Variants in SCML2 observed in about 807,000 individuals in gnomAD.
SCML2 encodes Scm polycomb group protein like 2.
Under a neutral mutation model 48.4 loss-of-function variants are expected in SCML2, and 6 were observed. That is an observed-to-expected ratio of 0.12 (90% CI 0.07 to 0.24). The LOEUF (loss-of-function observed/expected upper bound fraction) is 0.24, where lower values mean the gene tolerates loss of function less well. Ranked by LOEUF, SCML2 falls within the 10% of genes least tolerant of loss-of-function variation. The pLI, the probability that SCML2 is intolerant of heterozygous loss-of-function variation, is 1.00. For synonymous variants in SCML2, 181 were observed against 189.5 expected, an observed-to-expected ratio of 0.95 and a Z score of 0.37; for missense variants, 377 against 528.2, an observed-to-expected ratio of 0.71 and a Z score of 2.81.
At chrX:18,303,518 C>T (rs1928660083) in intron 7 of SCML2, among the ~76,000 whole-genome samples, 1 of 112,035 alleles carries the variant, frequency 8.9e-6, no homozygotes, top group African/African-American at 3.2e-5. Context: ...AACCACCTTT[C>T]CCTCCAGCCA....
intron 5 of SCML2, among the ~76,000 whole-genome samples, chrX:18,320,898 A>G (rs1929294263): frequency 9.0e-6 from 1 of 111,432 alleles, no homozygotes; most frequent in African/African-American, 3.3e-5. Context: ...TTTTACCTCA[A>G]AAGAAAAAAA....
chrX:18,324,856 C>A, intron 4 of SCML2, 51 bp downstream of exon 4: 1 of 939,208 alleles, frequency 1.1e-6, no homozygotes, highest in Non-Finnish European at 1.5e-6. Context: ...CAGACGTCCT[C>A]CAACAAGTTA....
At chrX:18,248,006 T>A in intron 11 of SCML2, 124 bp from the exon 12 acceptor site, 1 of 445,602 alleles carries the variant, frequency 2.2e-6, no homozygotes, top group East Asian at 3.7e-5. Context: ...ATTGAGAACT[T>A]CTCAATTATT....
At chrX:18,298,346 C>G (rs1014533371) in intron 7 of SCML2, among the ~76,000 whole-genome samples, 13 of 111,730 alleles carry the variant, frequency 1.2e-4, no homozygotes, top group South Asian at 3.7e-4. Context: ...CAGTATCACA[C>G]CACCTGACTT....
At chrX:18,348,632 T>G (rs1930277256) in intron 1 of SCML2, among the ~76,000 whole-genome samples, 1 of 112,065 alleles carries the variant, frequency 8.9e-6, no homozygotes, top group African/African-American at 3.2e-5. Context: ...TGACCAAAGA[T>G]GCCGTGTTTC....
chrX:18,346,198 C>T (rs1191734795), intron 1 of SCML2, among the ~76,000 whole-genome samples: 1 of 110,729 alleles, frequency 9.0e-6, no homozygotes, highest in African/African-American at 3.3e-5. Context: ...GAGACAATCC[C>T]CCACCTCCAA....
At chrX:18,278,293 T>C (rs916935525) in intron 7 of SCML2, among the ~76,000 whole-genome samples, 1 of 111,888 alleles carries the variant, frequency 8.9e-6, no homozygotes, top group African/African-American at 3.2e-5. Flanking sequence ...GGGAGGAAGC[T>C]GGGAACCCTG....
intron 6 of SCML2, among the ~76,000 whole-genome samples, chrX:18,305,762 T>A (rs371210529): frequency 6.2e-4 from 60 of 97,266 alleles, no homozygotes; most frequent in South Asian, 5.4e-3. Flanking sequence ...ACTTAAAATT[T>A]AAAAAAAAAA....
rs1926918569 is a variant in SCML2, at chrX:18,257,980, G to C, written c.1273+64C>G. On this transcript the variant is annotated intron_variant, in intron 10 of 14. Transcript: ENST00000251900. ...AGGAAAGGGAAGGGGGAAGGGAAGG[G>C]GGAAGGGAAGGGGGAAGGGAAGGGG... 3 of 644,756 alleles carry C rather than the reference G, an allele frequency of 4.7e-6. No individual in the cohort carries two copies. The Admixed American group carries it at 8.1e-5, about 17-fold the overall frequency. 53.1% of individuals were successfully genotyped at this position (644,756 alleles called of 1,213,427 possible).
At chrX:18,261,072 T>A (rs1478807693) in intron 8 of SCML2, among the ~76,000 whole-genome samples, 1 of 109,376 alleles carries the variant, frequency 9.1e-6, no homozygotes, top group Non-Finnish European at 1.9e-5. Context: ...TTGCTTAAAT[T>A]AATGGCTGTC....
rs558443082 is a variant in SCML2, at chrX:18,298,419, T to C, written c.730+6553A>G. Among the ~76,000 whole-genome samples the C allele has an allele frequency of 1.3e-4, 15 of 112,109 alleles. No homozygotes were observed. In the East Asian group the frequency reaches 3.1e-3, roughly 23 times the overall value. ...TGGTATTAATATAAAAACAAATACATTGACCTATAAAACAGAAAACCCAGA... is the reference window on the plus strand; with the variant it reads ...TGGTATTAATATAAAAACAAATACACTGACCTATAAAACAGAAAACCCAGA... On this transcript the variant is annotated intron_variant, in intron 7 of 14. Transcript: ENST00000251900.
At chrX:18,266,229 A>G (rs766890620) in intron 7 of SCML2, among the ~76,000 whole-genome samples, 1 of 111,758 alleles carries the variant, frequency 8.9e-6, no homozygotes, top group Non-Finnish European at 1.9e-5. Context: ...CTCCTGCTTC[A>G]TGTTTCAGAG....
chrX:18,322,578 T>C (rs1929353579), intron 5 of SCML2, among the ~76,000 whole-genome samples: 1 of 112,051 alleles, frequency 8.9e-6, no homozygotes, highest in Non-Finnish European at 1.9e-5. Context: ...CTTCTTGGAA[T>C]AACATATCTC....
chrX:18,325,085 A>AT, intron 3 of SCML2, 108 bp from the exon 4 acceptor site: 36 of 386,408 alleles, frequency 9.3e-5, no homozygotes, highest in Non-Finnish European at 9.3e-5. Flanking sequence ...GCCTCTTAAA[A>AT]GAAAAAAAAA....
In SCML2 at chrX:18,303,440, G is replaced by T. The variant is rs149207228; in HGVS notation, c.730+1532C>A. Reference sequence around the variant, plus strand: ...TCCATCCTACTTTTATCTCCATTCTGCCTGGCAAACTCCTGCTTCTCATCT... The same window carrying T: ...TCCATCCTACTTTTATCTCCATTCTTCCTGGCAAACTCCTGCTTCTCATCT... On this transcript the variant is annotated intron_variant, in intron 7 of 14. Transcript: ENST00000251900. 5.1e-3 allele frequency among the ~76,000 whole-genome samples: 565 copies of T among 111,389 alleles called. 2 individuals are homozygous for T. The highest frequency in any genetic ancestry group is 7.5e-3 in the Non-Finnish European group (400 of 53,049).
Position 18,276,299 on chromosome X carries a change from GA to G in SCML2, c.731-10498del, listed in dbSNP as rs369588545. Among the ~76,000 whole-genome samples the G allele has an allele frequency of 8.5e-3, 495 of 58,355 alleles. 5 individuals are homozygous for G. The highest frequency in any genetic ancestry group is 0.026 in the African/African-American group (426 of 16,569). 50.7% of individuals were successfully genotyped at this position (58,355 alleles called of 115,157 possible). A position where few individuals can be genotyped will look rare whatever the true frequency, so the allele number is the denominator to read the frequency against. On this transcript the variant is annotated intron_variant, in intron 7 of 14. Coordinates refer to ENST00000251900, the MANE Select transcript of SCML2 (RefSeq NM_006089.3). Reference sequence around the variant, plus strand: ...ACAGAGCAAAACTCAGTCTCAAGAAGAAAAAAAAAAAAAAAACAGTTTGGCA... The same window carrying G: ...ACAGAGCAAAACTCAGTCTCAAGAAGAAAAAAAAAAAAAAACAGTTTGGCA...
At chrX:18,271,918 T>G (rs1352761416) in intron 7 of SCML2, among the ~76,000 whole-genome samples, 1 of 110,366 alleles carries the variant, frequency 9.1e-6, no homozygotes, top group Non-Finnish European at 1.9e-5. Context: ...TTGCTCCCTG[T>G]CCCACAGAAC....
intron 6 of SCML2, among the ~76,000 whole-genome samples, chrX:18,307,732 T>C (rs1928802197): frequency 9.0e-6 from 1 of 111,299 alleles, no homozygotes; most frequent in Admixed American, 9.5e-5. Context: ...TCCCAGCACT[T>C]TGGAATGCCG....
intron 11 of SCML2, among the ~76,000 whole-genome samples, chrX:18,250,940 G>A (rs970672085): frequency 9.1e-6 from 1 of 110,315 alleles, no homozygotes; most frequent in African/African-American, 3.3e-5. Flanking sequence ...GCAGGCGGAA[G>A]TGCAGAGCAA....
Sources: gnomAD v4.1 joint callset for allele counts (sites outside exome capture counted in the v4.1 genomes callset) on GRCh38, gnomAD v4.1.1 for gene constraint, MANE v1.5 for transcripts, NCBI Gene and HGNC (gene_info 2026-07-23, HGNC 2026-07-21) for gene names.